The following SEMA6B variants were observed in gnomAD, a reference collection of about 807,000 sequenced individuals.
The protein encoded by SEMA6B is semaphorin 6B, also known as semaphorin-6B.
In SEMA6B, 47 loss-of-function variants were observed where a neutral mutation model predicts 78.6. That is an observed-to-expected ratio of 0.60 (90% CI 0.47 to 0.76). SEMA6B has a LOEUF of 0.76. SEMA6B is among the 30% of genes least tolerant of loss of function. The probability of loss-of-function intolerance (pLI) is 0.00; values close to 1 mark genes in which losing one functional copy is unlikely to be tolerated. For synonymous variants in SEMA6B, 632 were observed against 592.2 expected (o/e 1.07, Z -0.98); for missense variants, 1,213 against 1,269.9 (o/e 0.96, Z 0.68).
At position 4,550,371 on chromosome 19, in the gene SEMA6B, G is replaced by T. The variant is rs28667487; in HGVS notation, c.1122-99C>A. On this transcript the variant is annotated intron_variant, in intron 11 of 16. Coordinates refer to ENST00000586582, the MANE Select transcript of SEMA6B (RefSeq NM_032108.4). The surrounding 1 kb of genome is among the most constrained non-coding windows in gnomAD (Gnocchi z 6.6). ...CATTGCTTTGCCCAACGACCCTCAG[G>T]TTTTTTGTTTGTTTTGTTTTTGAGA... 0.26 allele frequency: 354,433 copies of T among 1,345,196 alleles called. 53,623 individuals are homozygous for T. The highest frequency in any genetic ancestry group is 0.66 in the African/African-American group (44,974 of 67,746). The allele number at this position is 1,345,196 out of a possible 1,614,324, so 83.3% of individuals were successfully genotyped here. A position where few individuals can be genotyped will look rare whatever the true frequency, so the allele number is the denominator to read the frequency against.
At position 4,552,386 on chromosome 19, in the gene SEMA6B, A is replaced by T. The variant is rs375430355; in HGVS notation, c.989+36T>A. The T allele has an allele frequency of 1.2e-5, 18 of 1,543,656 alleles. No homozygotes were observed. Among genetic ancestry groups the T allele is most frequent in the Middle Eastern group, 1.7e-4 (1 of 5,894 alleles). On this transcript the variant is annotated intron_variant, in intron 10 of 16. Coordinates refer to ENST00000586582, the MANE Select transcript of SEMA6B (RefSeq NM_032108.4). The surrounding 1 kb of genome is among the most constrained non-coding windows in gnomAD (Gnocchi z 7.4). The stretch of plus-strand genomic sequence containing the variant: ...AGGCCCTCTCTACCCATGCCCACCA[A>T]ATGCTCCCAGTTTGCTCCCATTGGT...
Position 4,543,486 on chromosome 19 carries a change from C to A in SEMA6B, c.*115G>T. The stretch of plus-strand genomic sequence containing the variant: ...GGGGCCCCCCACTCCGCGGGTGGGT[C>A]GCGGGGGGGACTTGAGCACCCACTC... On this transcript the variant is annotated 3_prime_UTR_variant, in exon 17 of 17. Coordinates refer to ENST00000586582, the MANE Select transcript of SEMA6B (RefSeq NM_032108.4). 3.0e-6 allele frequency: 1 copy of A among 336,002 alleles called. No individual in the cohort carries two copies. The highest frequency in any genetic ancestry group is 5.4e-5 in the East Asian group (1 of 18,436). The allele number at this position is 336,002 out of a possible 1,614,324, so 20.8% of individuals were successfully genotyped here.
intron 9 of SEMA6B, among the ~76,000 whole-genome samples, chr19:4,553,951 G>A (rs925796196): frequency 6.6e-6 from 1 of 152,080 alleles, no homozygotes; most frequent in Non-Finnish European, 1.5e-5. Context: ...ATGGATGAGT[G>A]CACGGATGGA....
At position 4,555,353 on chromosome 19, in the gene SEMA6B, T is replaced by C; in HGVS notation, c.562+121A>G. 1 of 919,682 alleles carries C rather than the reference T, an allele frequency of 1.1e-6. No homozygotes were observed. Among genetic ancestry groups the C allele is most frequent in the Non-Finnish European group, 1.7e-6 (1 of 605,746 alleles). The allele number at this position is 919,682 out of a possible 1,614,324, so 57.0% of individuals were successfully genotyped here. A position where few individuals can be genotyped will look rare whatever the true frequency, so the allele number is the denominator to read the frequency against. On this transcript the variant is annotated intron_variant, in intron 7 of 16. Transcript: ENST00000586582. This position sits in a 1 kb window ranked among gnomAD's most constrained non-coding sequence, Gnocchi z 6.1. ...CAAACCTGGGCTGAGAGTCTGCCCA[T>C]GTCACAGCTGGGACAAGTGGTCGTC...
rs1235656831 is a variant in SEMA6B, at chr19:4,552,911, T to C, written c.772-272A>G. On this transcript the variant is annotated intron_variant, in intron 9 of 16. Transcript: ENST00000586582. The surrounding 1 kb of genome is among the most constrained non-coding windows in gnomAD (Gnocchi z 7.4). Reference sequence around the variant, plus strand: ...TTTATTCTCACATCTCTTACACTCTTCCCGAGGGGGGCCTACTGATATCCC... The same window carrying C: ...TTTATTCTCACATCTCTTACACTCTCCCCGAGGGGGGCCTACTGATATCCC... 6.6e-6 allele frequency among the ~76,000 whole-genome samples: 1 copy of C among 152,148 alleles called. No homozygotes were observed.
Position 4,556,007 on chromosome 19 carries a change from G to A in SEMA6B, c.452C>T (p.Pro151Leu), listed in dbSNP as rs1249761918. The part of the protein sequence containing the change: ...LFVCGSNAFN[P>L]VCANYSIDTL... ...ACTCACGCTGTAGTTGGCGCACACCGGGTTGAAGGCGTTGGAACCGCACAC... is the reference window on the plus strand; with the variant it reads ...ACTCACGCTGTAGTTGGCGCACACCAGGTTGAAGGCGTTGGAACCGCACAC... Residue 151 changes from proline (P) to leucine (L), a missense_variant, in exon 6 of 17, where the codon CCG (proline) becomes CTG (leucine). Physicochemically the swap from Pro to Leu is moderately conservative, Grantham distance 98 (BLOSUM62 -3). Coordinates refer to ENST00000586582, the MANE Select transcript of SEMA6B (RefSeq NM_032108.4). 1 of 1,613,922 alleles carries A rather than the reference G, an allele frequency of 6.2e-7. No individual in the cohort carries two copies. The highest frequency in any genetic ancestry group is 8.5e-7 in the Non-Finnish European group (1 of 1,179,922).
At chr19:4,549,898 C>A (rs1233792496) in intron 12 of SEMA6B, among the ~76,000 whole-genome samples, 1 of 152,202 alleles carries the variant, frequency 6.6e-6, no homozygotes, top group Non-Finnish European at 1.5e-5. Context: ...CAAGCATGAG[C>A]CACCGTGCCC....
At position 4,555,067 on chromosome 19, in the gene SEMA6B, G is replaced by A. The variant is rs772842905; in HGVS notation, c.591C>T (p.Thr197=). The change falls in exon 8 of 17, where the codon ACC becomes ACT. Residue 197 remains threonine, a synonymous_variant. Transcript: ENST00000586582. This position sits in a 1 kb window ranked among gnomAD's most constrained non-coding sequence, Gnocchi z 6.1. ...SDGMLFTATV[T]DFLAIDAVIY... ...TGACAGCATCAATGGCTAGGAAGTC[G>A]GTAACAGTAGCTGTGAAGAGCATCC... The A allele has an allele frequency of 8.7e-6, 14 of 1,613,814 alleles. No homozygotes were observed. The South Asian group carries it at 9.9e-5, about 11-fold the overall frequency.
At position 4,552,339 on chromosome 19, in the gene SEMA6B, G is replaced by T; in HGVS notation, c.989+83C>A. 1 of 1,356,646 alleles carries T rather than the reference G, an allele frequency of 7.4e-7. No homozygotes were observed. 84.0% of individuals were successfully genotyped at this position (1,356,646 alleles called of 1,614,324 possible). A position where few individuals can be genotyped will look rare whatever the true frequency, so the allele number is the denominator to read the frequency against. On this transcript the variant is annotated intron_variant, in intron 10 of 16. Transcript: ENST00000586582. This position sits in a 1 kb window ranked among gnomAD's most constrained non-coding sequence, Gnocchi z 7.4. ...CAGTGGTGCCCAACCTAGCACCCAGGGCATACCTGAGGAGTGAATACAGGC... is the reference window on the plus strand; with the variant it reads ...CAGTGGTGCCCAACCTAGCACCCAGTGCATACCTGAGGAGTGAATACAGGC...
In SEMA6B at chr19:4,554,997, G is replaced by A. The variant is rs1977429646; in HGVS notation, c.661C>T (p.His221Tyr). Residue 221 changes from histidine to tyrosine, a missense_variant, in exon 8 of 17, where the codon CAT becomes TAT. By Grantham distance (83) the His-to-Tyr change is moderately conservative (BLOSUM62 2). Coordinates refer to ENST00000586582, the MANE Select transcript of SEMA6B (RefSeq NM_032108.4). ...TCACCTTTGAACCACTTGGAGTCAT[G>A]TTTCACGGTGCGCAGGGTGGGCCTG... ...GDRPTLRTVK[H>Y]DSKWFKEPYF... 3 of 1,614,060 alleles carry A rather than the reference G, an allele frequency of 1.9e-6. No individual in the cohort carries two copies. Among genetic ancestry groups the A allele is most frequent in the Non-Finnish European group, 2.5e-6 (3 of 1,179,996 alleles).
rs1331101716 is a variant in SEMA6B, at chr19:4,550,945, T to C, written c.990-15A>G. The C allele has an allele frequency of 1.9e-6, 3 of 1,613,026 alleles. No individual in the cohort carries two copies. Among genetic ancestry groups the C allele is most frequent in the Middle Eastern group, 3.3e-4 (2 of 6,068 alleles). ...AGCCAGGGATGCTGAGGGGTTGGGA[T>C]GAAAGAGTTTGGTGAGCCCGGTGGG... On this transcript the variant is annotated splice_polypyrimidine_tract_variant and intron_variant, in intron 10 of 16. Transcript: ENST00000586582. The surrounding 1 kb of genome is among the most constrained non-coding windows in gnomAD (Gnocchi z 6.6).
chr19:4,545,436 C>T (rs1599773146), intron 16 of SEMA6B, among the ~76,000 whole-genome samples: 1 of 152,188 alleles, frequency 6.6e-6, no homozygotes, highest in East Asian at 1.9e-4. Context: ...TCCCTGGGCT[C>T]AAGCGATCCT....
rs565356696 is a variant in SEMA6B, at chr19:4,545,249, G to A, written c.1739-720C>T. On this transcript the variant is annotated intron_variant, in intron 16 of 16. Transcript: ENST00000586582. Reference sequence around the variant, plus strand: ...TCAGCTACTTGGGAGGCTGAGGCAGGAGAATCAATTGAACCCGGGAGGTGG... The same window carrying A: ...TCAGCTACTTGGGAGGCTGAGGCAGAAGAATCAATTGAACCCGGGAGGTGG... Among the ~76,000 whole-genome samples the A allele has an allele frequency of 2.5e-4, 38 of 150,902 alleles. 1 individual carries two copies. Among genetic ancestry groups the A allele is most frequent in the African/African-American group, 9.0e-4 (37 of 41,192 alleles).
At chr19:4,551,860 CAA>C (rs1177082706) in intron 10 of SEMA6B, among the ~76,000 whole-genome samples, 3 of 151,482 alleles carry the variant, frequency 2.0e-5, no homozygotes, top group Non-Finnish European at 4.4e-5. Flanking sequence ...AACAAACAAA[CAA>C]ACAAAAAATG....
At position 4,543,691 on chromosome 19, in the gene SEMA6B, G is replaced by A; in HGVS notation, c.2577C>T (p.Arg859=). 8.1e-7 allele frequency: 1 copy of A among 1,230,240 alleles called. No individual in the cohort carries two copies. The highest frequency in any genetic ancestry group is 1.0e-6 in the Non-Finnish European group (1 of 986,968). The allele number at this position is 1,230,240 out of a possible 1,614,324, so 76.2% of individuals were successfully genotyped here. ...CCGGCCGGGCGTGGCAGCCGCGGTG[G>A]CGGTCCCCAGGCCGGGCCTCGCCGC... ...FNSGEARPGD[R]HRGCHARPGT... The change falls in exon 17 of 17, where the codon CGC becomes CGT. Residue 859 remains arginine (R), a synonymous_variant. Coordinates refer to ENST00000586582, the MANE Select transcript of SEMA6B (RefSeq NM_032108.4).
At position 4,543,610 on chromosome 19, in the gene SEMA6B, G is replaced by A. The variant is rs1259892382; in HGVS notation, c.2658C>T (p.Pro886=). The part of the protein sequence containing the change: ...PYGGADRTAP[P]VP ...TCGGGGGGCCCCCGGCCTAGGGCAC[G>A]GGGGGCGCAGTCCTGTCCGCCCCCC... is the stretch of plus-strand genomic sequence containing the variant. Residue 886 remains proline, a synonymous_variant, in exon 17 of 17, where the codon CCC becomes CCT. Transcript: ENST00000586582. The A allele has an allele frequency of 8.1e-7, 1 of 1,232,886 alleles. No homozygotes were observed. 76.4% of individuals were successfully genotyped at this position (1,232,886 alleles called of 1,614,324 possible). A position where few individuals can be genotyped will look rare whatever the true frequency, so the allele number is the denominator to read the frequency against.
intron 10 of SEMA6B, among the ~76,000 whole-genome samples, chr19:4,551,549 T>C (rs1486648140): frequency 6.8e-6 from 1 of 146,212 alleles, no homozygotes; most frequent in Non-Finnish European, 1.5e-5. Flanking sequence ...ATGCAAACCT[T>C]GGCCGGGTGC....
rs747025890 is a variant in SEMA6B at position 4,558,101 on chromosome 19, G to T, written c.170C>A (p.Thr57Asn). ...GAGGTCGTCAGCACCTTCTGCGGGG[G>T]TCAGGCGTCCGGGCCCGCTGCCCAC... Reference protein sequence around the residue: ...VFVGSGPGRLTPAEGADDLNI... With the variant: ...VFVGSGPGRLNPAEGADDLNI... The change falls in exon 3 of 17, where the codon ACC (threonine) becomes AAC (asparagine). Residue 57 changes from threonine (T) to asparagine (N), a missense_variant. Coordinates refer to ENST00000586582, the MANE Select transcript of SEMA6B (RefSeq NM_032108.4). The surrounding 1 kb of genome is among the most constrained non-coding windows in gnomAD (Gnocchi z 5.1). 6.5e-7 allele frequency: 1 copy of T among 1,537,428 alleles called. No individual in the cohort carries two copies. Among genetic ancestry groups the T allele is most frequent in the Non-Finnish European group, 8.8e-7 (1 of 1,135,478 alleles).
chr19:4,542,649 G>C lies in SEMA6B; in HGVS notation c.*952C>G, dbSNP rs1449737390. Reference sequence around the variant, plus strand: ...GGGGCTGGGGGAGGCAAACTCCAGAGAGGGCAGAGGACCCAGCCAGCCACG... The same window carrying C: ...GGGGCTGGGGGAGGCAAACTCCAGACAGGGCAGAGGACCCAGCCAGCCACG... On this transcript the variant is annotated 3_prime_UTR_variant, in exon 17 of 17. Transcript: ENST00000586582. The C allele has an allele frequency of 3.5e-6, 2 of 575,910 alleles. No individual in the cohort carries two copies. Among genetic ancestry groups the C allele is most frequent in the South Asian group, 1.8e-5 (1 of 54,960 alleles). The allele number at this position is 575,910 out of a possible 1,614,324, so 35.7% of individuals were successfully genotyped here.
Sources: gnomAD v4.1 joint callset for allele counts (sites outside exome capture counted in the v4.1 genomes callset) on GRCh38, gnomAD v4.1.1 for gene constraint, Gnocchi (gnomAD v3.1) non-coding constraint, MANE v1.5 for transcripts, NCBI Gene and HGNC (gene_info 2026-07-23, HGNC 2026-07-21) for gene names.